TCHP: variants seen among roughly 807,000 people sequenced by gnomAD.
The protein encoded by TCHP is trichoplein keratin filament binding, also known as trichoplein keratin filament-binding protein.
Under a neutral mutation model 88.7 loss-of-function variants are expected in TCHP, and 81 were observed. The ratio of observed to expected loss-of-function variants is 0.91; its 90% CI spans 0.76 to 1.10. The LOEUF is 1.10. TCHP is among the 50% of genes least tolerant of loss of function. TCHP has a pLI of 0.00. For missense variants in TCHP, 641 were observed against 632.1 expected, an observed-to-expected ratio of 1.01 and a Z score of -0.15; for synonymous variants, 232 against 232.5, an observed-to-expected ratio of 1.00 and a Z score of 0.02.
In TCHP at chr12:109,915,423, G is replaced by A; in HGVS notation, c.1341G>A (p.Gln447=). The A allele has an allele frequency of 6.2e-7, 1 of 1,614,196 alleles. No individual in the cohort carries two copies. Among genetic ancestry groups the A allele is most frequent in the South Asian group, 1.1e-5 (1 of 91,086 alleles). The change falls in exon 12 of 13, where the codon CAG becomes CAA. Residue 447 remains glutamine (Q), a synonymous_variant. Coordinates refer to ENST00000405876, the MANE Select transcript of TCHP (RefSeq NM_001143852.2). ...LEAQVAERRL[Q]AWEADQQEEE... ...CTCAGGTTGCAGAGCGCCGGCTGCAGGCATGGGAAGCAGACCAGCAGGAGG... is the reference window on the plus strand; with the variant it reads ...CTCAGGTTGCAGAGCGCCGGCTGCAAGCATGGGAAGCAGACCAGCAGGAGG...
chr12:109,890,439 G>A, the TCHP span, among the ~76,000 whole-genome samples: 1 of 151,890 alleles, frequency 6.6e-6, no homozygotes, highest in Non-Finnish European at 1.5e-5. Context: ...CCACTGCACT[G>A]CAGCCTGGGT....
the TCHP span, among the ~76,000 whole-genome samples, chr12:109,881,815 A>C: frequency 6.6e-6 from 1 of 152,212 alleles, no homozygotes; most frequent in African/African-American, 2.4e-5. Context: ...CTAGATGCTT[A>C]TGTCCTAAAC....
At chr12:109,915,357 CCT>C in intron 11 of TCHP, 44 bp from the exon 12 acceptor site, 1 of 1,613,640 alleles carries the variant, frequency 6.2e-7, no homozygotes, top group South Asian at 1.1e-5. Context: ...AGGGCTCTGC[CCT>C]GTGGGCCTTG....
chr12:109,891,390 C>CT, the TCHP span, among the ~76,000 whole-genome samples: 16,970 of 139,400 alleles, frequency 0.12, 2,030 homozygotes, highest in African/African-American at 0.31. Context: ...TTAATATTTC[C>CT]TTTTTTTTTT....
the TCHP span, among the ~76,000 whole-genome samples, chr12:109,890,200 T>C: frequency 6.6e-6 from 1 of 150,980 alleles, no homozygotes; most frequent in African/African-American, 2.4e-5. Context: ...CCTGACTGTG[T>C]CACAATCCTA....
At chr12:109,911,801 A>ATT (rs201488314) in intron 9 of TCHP, among the ~76,000 whole-genome samples, 1 of 142,834 alleles carries the variant, frequency 7.0e-6, no homozygotes, top group Non-Finnish European at 1.5e-5. Flanking sequence ...GAAGGAAATT[A>ATT]TTTTTTTTTT....
upstream of TCHP, among the ~76,000 whole-genome samples, chr12:109,897,754 C>T (rs1462261208): frequency 5.9e-5 from 9 of 152,152 alleles, no homozygotes; most frequent in African/African-American, 2.2e-4. Context: ...GACAAGGTTT[C>T]GCCACGTTGG....
At chr12:109,889,258 G>C in the TCHP span, among the ~76,000 whole-genome samples, 8 of 152,188 alleles carry the variant, frequency 5.3e-5, no homozygotes, top group African/African-American at 1.7e-4. Context: ...CAGATCACGA[G>C]GTCAGGAGAT....
rs915825703 is a variant in TCHP at position 109,905,496 on chromosome 12, C to T, written c.456+703C>T. 7.9e-5 allele frequency among the ~76,000 whole-genome samples: 12 copies of T among 152,280 alleles called. No homozygotes were observed. Among genetic ancestry groups the T allele is most frequent in the Middle Eastern group, 6.8e-3 (2 of 294 alleles). On this transcript the variant is annotated intron_variant, in intron 4 of 12. Coordinates refer to ENST00000405876, the MANE Select transcript of TCHP (RefSeq NM_001143852.2). The surrounding 1 kb of genome is among the most constrained non-coding windows in gnomAD (Gnocchi z 4.0). ...TGCCCGCCGACAGGGAGGGGTGCTG[C>T]GACAGCCCAGCCGGGGGTTGGTGAA...
Position 109,906,644 on chromosome 12 carries a change from T to C in TCHP, c.525+4T>C. 1 of 1,605,162 alleles carries C rather than the reference T, an allele frequency of 6.2e-7. No individual in the cohort carries two copies. The highest frequency in any genetic ancestry group is 1.1e-5 in the South Asian group (1 of 91,050). On this transcript the variant is annotated splice_donor_region_variant and intron_variant, in intron 5 of 12. Coordinates refer to ENST00000405876, the MANE Select transcript of TCHP (RefSeq NM_001143852.2). ...GCAGAAAGAAGAAAAAAAACAGGTG[T>C]GGTATGTGGCTCTGGGAATAGCCGC...
Position 109,908,897 on chromosome 12 carries a change from C to T in TCHP, c.839C>T (p.Ala280Val). The T allele has an allele frequency of 6.2e-7, 1 of 1,614,222 alleles. No individual in the cohort carries two copies. The highest frequency in any genetic ancestry group is 1.1e-5 in the South Asian group (1 of 91,082). Residue 280 changes from alanine (A) to valine (V), a missense_variant, in exon 8 of 13, where the codon GCT becomes GTT. Coordinates refer to ENST00000405876, the MANE Select transcript of TCHP (RefSeq NM_001143852.2). ...LGRFLRHQYN[A>V]QLSRRTQQIQ... ...CGTTTCTTGAGACATCAGTATAACGCTCAACTCAGCAGACGCACACAGCAG... is the reference window on the plus strand; with the variant it reads ...CGTTTCTTGAGACATCAGTATAACGTTCAACTCAGCAGACGCACACAGCAG...
At chr12:109,887,370 C>T in the TCHP span, among the ~76,000 whole-genome samples, 3 of 143,502 alleles carry the variant, frequency 2.1e-5, no homozygotes, top group Non-Finnish European at 4.5e-5. Flanking sequence ...TGCAGTGAGC[C>T]GAGATCGCAC....
intron 6 of TCHP, among the ~76,000 whole-genome samples, chr12:109,908,210 A>G (rs1301002558): frequency 2.0e-5 from 3 of 152,170 alleles, no homozygotes; most frequent in African/African-American, 7.2e-5. Context: ...TTTAGCAACT[A>G]CATTCTTAGT....
chr12:109,889,458 A>T, the TCHP span, among the ~76,000 whole-genome samples: 1 of 149,356 alleles, frequency 6.7e-6, no homozygotes, highest in African/African-American at 2.5e-5. Context: ...ACAGAGAGAG[A>T]CTCCATCTCA....
At chr12:109,886,484 G>A in the TCHP span, among the ~76,000 whole-genome samples, 1 of 152,042 alleles carries the variant, frequency 6.6e-6, no homozygotes, top group African/African-American at 2.4e-5. Flanking sequence ...TTTGGCCAGT[G>A]AAAGCCCCTC....
Position 109,916,760 on chromosome 12 carries a change from C to A in TCHP, c.*137C>A. On this transcript the variant is annotated 3_prime_UTR_variant, in exon 13 of 13. Coordinates refer to ENST00000405876, the MANE Select transcript of TCHP (RefSeq NM_001143852.2). ...TGGCTCAGCAGTGCCTGCTCAGGTT[C>A]ATCATTGAAACATCCCAGTGTTTGG... is the stretch of plus-strand genomic sequence containing the variant. 1.3e-6 allele frequency: 1 copy of A among 760,024 alleles called. No homozygotes were observed. Among genetic ancestry groups the A allele is most frequent in the Non-Finnish European group, 2.2e-6 (1 of 463,412 alleles). 47.1% of individuals were successfully genotyped at this position (760,024 alleles called of 1,614,324 possible). A position where few individuals can be genotyped will look rare whatever the true frequency, so the allele number is the denominator to read the frequency against.
chr12:109,896,777 T>C (rs1039985751), upstream of TCHP, among the ~76,000 whole-genome samples: 4 of 152,066 alleles, frequency 2.6e-5, no homozygotes, highest in Non-Finnish European at 5.9e-5. Flanking sequence ...TAGCCGGACG[T>C]GGTGGCGGGC....
At chr12:109,912,425 T>TA (rs1201050789) in intron 9 of TCHP, among the ~76,000 whole-genome samples, 2 of 152,194 alleles carry the variant, frequency 1.3e-5, no homozygotes, top group Non-Finnish European at 2.9e-5. Context: ...ATCTCTGTGT[T>TA]AAACAGCCAC....
chr12:109,915,609 CCCTGGGCCTGCTCATCGCCCCGCG>C, intron 12 of TCHP, 63 bp downstream of exon 12: 1 of 1,521,668 alleles, frequency 6.6e-7, no homozygotes, highest in Middle Eastern at 2.0e-4. Context: ...GCCCCTGCTC[CCCTGGGCCTGCTCATCGCCCCGCG>C]CCGGGGTCTG....
Sources: allele counts gnomAD v4.1 joint callset (sites outside exome capture counted in the v4.1 genomes callset), GRCh38; gene constraint gnomAD v4.1.1; non-coding constraint Gnocchi (gnomAD v3.1); transcripts MANE v1.5; gene names NCBI Gene and HGNC (gene_info 2026-07-23, HGNC 2026-07-21).